EFCAB5: variants seen among roughly 807,000 people sequenced by gnomAD.
EFCAB5 encodes the protein EF-hand calcium binding domain 5, also known as EF-hand calcium-binding domain-containing protein 5.
In EFCAB5, 131 loss-of-function variants were observed where a neutral mutation model predicts 167.9. The ratio of observed to expected loss-of-function variants is 0.78; its 90% CI spans 0.68 to 0.90. EFCAB5 has a LOEUF of 0.90. EFCAB5 is among the 40% of genes least tolerant of loss of function. EFCAB5 has a pLI of 0.00. For missense variants in EFCAB5, 1,663 were observed against 1,745.2 expected (o/e 0.95, Z 0.84); for synonymous variants, 574 against 602.8 (o/e 0.95, Z 0.70).
At chr17:30,090,816 C>G (rs2071182005) in intron 20 of EFCAB5, 142 bp downstream of exon 20, 1 of 1,186,058 alleles carries the variant, frequency 8.4e-7, no homozygotes, top group African/African-American at 1.5e-5. Context: ...TTCCCTTATG[C>G]AGTCTTGCGC....
Position 30,080,169 on chromosome 17 carries a change from A to T in EFCAB5, c.3125A>T (p.Asn1042Ile). Residue 1042 changes from asparagine to isoleucine, a missense_variant, in exon 16 of 23, where the codon AAT becomes ATT. Coordinates refer to ENST00000394835, the MANE Select transcript of EFCAB5 (RefSeq NM_198529.4). ...GAGAAAGGGAATGTTCTATTGAGGAATGTGGCTTGTACCTTAGATGATGCT... is the reference window on the plus strand; with the variant it reads ...GAGAAAGGGAATGTTCTATTGAGGATTGTGGCTTGTACCTTAGATGATGCT... Reference protein sequence around the residue: ...LPEKGNVLLRNVACTLDDAQF... With the variant: ...LPEKGNVLLRIVACTLDDAQF... The T allele has an allele frequency of 1.2e-6, 2 of 1,613,950 alleles. No homozygotes were observed. Among genetic ancestry groups the T allele is most frequent in the Non-Finnish European group, 1.7e-6 (2 of 1,179,840 alleles).
chr17:30,059,449 T>C (rs529068462), intron 13 of EFCAB5, 96 bp from the exon 14 acceptor site: 1 of 1,316,028 alleles, frequency 7.6e-7, no homozygotes, highest in African/African-American at 1.5e-5. Context: ...CCTGTTTTAA[T>C]AGAAGACGCT....
chr17:29,949,426 A>T (rs1049044517), intron 3 of EFCAB5, among the ~76,000 whole-genome samples: 3 of 152,236 alleles, frequency 2.0e-5, no homozygotes, highest in African/African-American at 4.8e-5. Flanking sequence ...TGATTCTTGG[A>T]AAAGTTTAGG....
chr17:29,950,481 C>T (rs2067486439), intron 3 of EFCAB5: 1 of 152,456 alleles, frequency 6.6e-6, no homozygotes. Flanking sequence ...AAGGGATCCT[C>T]CTGCCTCAGC....
At chr17:29,991,663 G>A (rs1197230832) in intron 4 of EFCAB5, among the ~76,000 whole-genome samples, 3 of 152,184 alleles carry the variant, frequency 2.0e-5, no homozygotes. Flanking sequence ...TGAGCATCAT[G>A]GCCATCACGA....
At chr17:30,078,720 G>A (rs1018527616) in intron 15 of EFCAB5, among the ~76,000 whole-genome samples, 14 of 152,088 alleles carry the variant, frequency 9.2e-5, no homozygotes, top group African/African-American at 3.4e-4. Context: ...GAGGAGAAAG[G>A]TAGAAAAGAC....
At chr17:29,938,085 T>A (rs1168557828), upstream of EFCAB5, among the ~76,000 whole-genome samples, 1 of 152,188 alleles carries the variant, frequency 6.6e-6, no homozygotes, top group Non-Finnish European at 1.5e-5. Flanking sequence ...TTCTCCATTG[T>A]GGTGACTAAA....
At chr17:30,056,638 A>G (rs2070276739) in intron 12 of EFCAB5, among the ~76,000 whole-genome samples, 1 of 152,228 alleles carries the variant, frequency 6.6e-6, no homozygotes, top group Admixed American at 6.5e-5. Flanking sequence ...CAGACAAAGC[A>G]TGTCTTTAAA....
intron 18 of EFCAB5, among the ~76,000 whole-genome samples, chr17:30,085,463 G>A (rs1045456769): frequency 2.6e-5 from 4 of 152,238 alleles, no homozygotes; most frequent in African/African-American, 7.2e-5. Flanking sequence ...GCTCACGCCT[G>A]TAATCCCAGC....
At chr17:29,982,788 T>C (rs1473139343) in intron 4 of EFCAB5, among the ~76,000 whole-genome samples, 1 of 152,210 alleles carries the variant, frequency 6.6e-6, no homozygotes. Context: ...TTTGATGTAA[T>C]ACAACTTTCA....
Position 29,982,095 on chromosome 17 carries a change from A to T in EFCAB5, c.768-11070A>T, listed in dbSNP as rs557639138. ...TCATATATGGATTTTTAATAGGAAT[A>T]CTCATCATGGGACTAATATGGACAT... is the stretch of plus-strand genomic sequence containing the variant. On this transcript the variant is annotated intron_variant, in intron 4 of 22. Transcript: ENST00000394835. Among the ~76,000 whole-genome samples, 5 of 152,184 alleles carry T rather than the reference A, an allele frequency of 3.3e-5. No individual in the cohort carries two copies. The East Asian group carries it at 5.8e-4, about 18-fold the overall frequency.
chr17:30,074,969 G>A (rs975267339), intron 14 of EFCAB5, among the ~76,000 whole-genome samples: 2 of 152,028 alleles, frequency 1.3e-5, no homozygotes, highest in African/African-American at 4.8e-5. Flanking sequence ...GCCTGTGTAT[G>A]TAAATGTATG....
chr17:29,932,149 CT>C (rs35344808), intron 1 of EFCAB5, among the ~76,000 whole-genome samples: 3,963 of 136,562 alleles, frequency 0.029, 33 homozygotes, highest in Middle Eastern at 0.06. Flanking sequence ...ATTAAGATAA[CT>C]TTTTTTTTTT....
In EFCAB5 at chr17:29,942,270, T is replaced by C; in HGVS notation, c.73T>C (p.Trp25Arg). The C allele has an allele frequency of 6.3e-7, 1 of 1,591,710 alleles. No homozygotes were observed. Residue 25 changes from tryptophan (W) to arginine (R), a missense_variant, in exon 2 of 23, where the codon TGG becomes CGG. Trp to Arg is a moderately radical substitution (Grantham distance 101). Transcript: ENST00000394835. Reference protein sequence around the residue: ...ENRKEDKERKWNLTEVKELHE... With the variant: ...ENRKEDKERKRNLTEVKELHE... ...CAGAAAAGAAGACAAAGAGAGGAAA[T>C]GGAACTTAACTGAAGTGAAAGAGCT... is the stretch of plus-strand genomic sequence containing the variant.
chr17:30,083,515 C>T (rs142245624), intron 18 of EFCAB5, among the ~76,000 whole-genome samples: 339 of 152,332 alleles, frequency 2.2e-3, no homozygotes, highest in African/African-American at 7.0e-3. Context: ...AGTGCAATAG[C>T]GCAATCTCAG....
At chr17:30,073,777 A>G (rs1311217053) in intron 14 of EFCAB5, 4 of 604,974 alleles carry the variant, frequency 6.6e-6, no homozygotes, top group Non-Finnish European at 1.2e-5. Context: ...CAAGATACAG[A>G]ACAAAGAGCA....
intron 3 of EFCAB5, among the ~76,000 whole-genome samples, chr17:29,963,219 G>A (rs559009834): frequency 2.0e-5 from 3 of 152,258 alleles, no homozygotes; most frequent in Non-Finnish European, 4.4e-5. Flanking sequence ...TGGGATTAGA[G>A]GCATGAGCCA....
chr17:30,016,394 A>G (rs906411530), intron 7 of EFCAB5, among the ~76,000 whole-genome samples: 5 of 152,094 alleles, frequency 3.3e-5, no homozygotes, highest in Non-Finnish European at 7.4e-5. Context: ...ATGTCTGTTT[A>G]AGTCTTTGAT....
At position 30,049,506 on chromosome 17, in the gene EFCAB5, CA is replaced by C. The variant is rs374123440; in HGVS notation, c.1201-1602del. Reference sequence around the variant, plus strand: ...AAACAAAAACAAAAACAAAAACAAACAAAAAAAAAACAAAAGAAATAGGCAA... The same window carrying C: ...AAACAAAAACAAAAACAAAAACAAACAAAAAAAAACAAAAGAAATAGGCAA... On this transcript the variant is annotated intron_variant, in intron 8 of 22. Transcript: ENST00000394835. 3.2e-3 allele frequency among the ~76,000 whole-genome samples: 449 copies of C among 139,404 alleles called. 1 individual carries two copies. Among genetic ancestry groups the C allele is most frequent in the East Asian group, 0.026 (126 of 4,854 alleles). The allele number at this position is 139,404 out of a possible 152,430, so 91.5% of individuals were successfully genotyped here.
Sources: gnomAD v4.1 joint callset for allele counts (sites outside exome capture counted in the v4.1 genomes callset) on GRCh38, gnomAD v4.1.1 for gene constraint, MANE v1.5 for transcripts, NCBI Gene and HGNC (gene_info 2026-07-23, HGNC 2026-07-21) for gene names.